The following LYPLAL1 variants were observed in gnomAD, a reference collection of about 807,000 sequenced individuals.
LYPLAL1 encodes lysophospholipase-like protein 1.
In LYPLAL1, 23 loss-of-function variants were observed where a neutral mutation model predicts 19.7. That is an observed-to-expected ratio of 1.17 (90% CI 0.84 to 1.65). The LOEUF (loss-of-function observed/expected upper bound fraction) is 1.65, where lower values mean the gene tolerates loss of function less well. Ranked by LOEUF, LYPLAL1 falls within the 40% of genes most tolerant of loss-of-function variation. The pLI, the probability that LYPLAL1 is intolerant of heterozygous loss-of-function variation, is 0.00. For missense variants in LYPLAL1, 355 were observed against 279.4 expected, an observed-to-expected ratio of 1.27 and a Z score of -1.93; for synonymous variants, 119 against 96.3, an observed-to-expected ratio of 1.24 and a Z score of -1.38.
At chr1:219,174,507 T>C (rs1655646766) in intron 1 of LYPLAL1, among the ~76,000 whole-genome samples, 1 of 152,202 alleles carries the variant, frequency 6.6e-6, no homozygotes, top group African/African-American at 2.4e-5. Context: ...TCTCTCACTT[T>C]CCTTTTTGCT....
At chr1:219,380,440 C>A in the LYPLAL1 span, among the ~76,000 whole-genome samples, 1 of 152,210 alleles carries the variant, frequency 6.6e-6, no homozygotes, top group Non-Finnish European at 1.5e-5. Flanking sequence ...GGAGGGAGGG[C>A]TGTGTTGGCA....
At chr1:219,298,310 A>AAAAAT in the LYPLAL1 span, among the ~76,000 whole-genome samples, 5 of 152,268 alleles carry the variant, frequency 3.3e-5, no homozygotes, top group East Asian at 1.9e-4. Context: ...ACCCTGTCTC[A>AAAAAT]AAAATAAAAT....
intron 2 of LYPLAL1, among the ~76,000 whole-genome samples, chr1:219,191,869 GT>G (rs1657211350): frequency 6.6e-6 from 1 of 151,330 alleles, no homozygotes; most frequent in South Asian, 2.1e-4. Context: ...ACAAAGTAAT[GT>G]TTATATGATT....
the LYPLAL1 span, among the ~76,000 whole-genome samples, chr1:219,366,333 C>T: frequency 6.6e-6 from 1 of 152,062 alleles, no homozygotes; most frequent in African/African-American, 2.4e-5. Context: ...GTTACAGAAA[C>T]AAGGATAATT....
At chr1:219,198,141 C>CAA (rs1657762787) in intron 3 of LYPLAL1, among the ~76,000 whole-genome samples, 1 of 151,998 alleles carries the variant, frequency 6.6e-6, no homozygotes, top group Non-Finnish European at 1.5e-5. Flanking sequence ...CAAAGTCCGA[C>CAA]AATGTGATTG....
At chr1:219,402,200 A>C in the LYPLAL1 span, among the ~76,000 whole-genome samples, 2 of 152,192 alleles carry the variant, frequency 1.3e-5, no homozygotes, top group Non-Finnish European at 2.9e-5. Context: ...TTTGGAAAAT[A>C]TGAAATGCCA....
At chr1:219,437,999 T>C in the LYPLAL1 span, among the ~76,000 whole-genome samples, 20 of 152,136 alleles carry the variant, frequency 1.3e-4, 1 homozygote, top group East Asian at 3.7e-3. Context: ...ACTCCTGACC[T>C]CAAGTGATCC....
At chr1:219,429,702 A>AT in the LYPLAL1 span, among the ~76,000 whole-genome samples, 1 of 151,912 alleles carries the variant, frequency 6.6e-6, no homozygotes, top group African/African-American at 2.4e-5. Context: ...TCCCAGGCCT[A>AT]TTTTCCCATT....
chr1:219,205,500 GTAGAGT>G (rs1658503225), intron 3 of LYPLAL1, among the ~76,000 whole-genome samples: 1 of 152,196 alleles, frequency 6.6e-6, no homozygotes, highest in Admixed American at 6.5e-5. Flanking sequence ...CATTGAACAT[GTAGAGT>G]TAGTTTAACT....
At chr1:219,383,681 A>G in the LYPLAL1 span, among the ~76,000 whole-genome samples, 7 of 152,370 alleles carry the variant, frequency 4.6e-5, no homozygotes, top group African/African-American at 1.4e-4. Context: ...ACAAAGAACT[A>G]TAAATGGCAT....
At chr1:219,330,460 A>G in the LYPLAL1 span, among the ~76,000 whole-genome samples, 2 of 152,200 alleles carry the variant, frequency 1.3e-5, no homozygotes, top group East Asian at 1.9e-4. Flanking sequence ...TTCTAGAGCA[A>G]AAGTTTAAAT....
the LYPLAL1 span, among the ~76,000 whole-genome samples, chr1:219,288,587 T>C: frequency 1.3e-5 from 2 of 152,174 alleles, no homozygotes; most frequent in Non-Finnish European, 2.9e-5. Flanking sequence ...ATACATATTA[T>C]TATACATTTA....
At chr1:219,356,353 A>G in the LYPLAL1 span, among the ~76,000 whole-genome samples, 3 of 152,090 alleles carry the variant, frequency 2.0e-5, no homozygotes, top group Non-Finnish European at 2.9e-5. Flanking sequence ...TACAAAAATT[A>G]GCTGGGCATG....
the LYPLAL1 span, among the ~76,000 whole-genome samples, chr1:219,284,743 G>A: frequency 2.0e-5 from 3 of 152,188 alleles, no homozygotes; most frequent in African/African-American, 4.8e-5. Context: ...ATATCAAAGA[G>A]ATGTTAAAGA....
the LYPLAL1 span, among the ~76,000 whole-genome samples, chr1:219,419,594 C>CACACAG: frequency 0.045 from 4,494 of 99,380 alleles, 173 homozygotes; most frequent in East Asian, 0.1. Flanking sequence ...CACACACACA[C>CACACAG]AGAGAGAGAG....
chr1:219,430,639 T>C, the LYPLAL1 span, among the ~76,000 whole-genome samples: 2 of 152,192 alleles, frequency 1.3e-5, no homozygotes, highest in Non-Finnish European at 2.9e-5. Context: ...ATTCCATGTC[T>C]CTGTAGTGAT....
At chr1:219,250,859 A>G in the LYPLAL1 span, among the ~76,000 whole-genome samples, 4 of 152,090 alleles carry the variant, frequency 2.6e-5, no homozygotes, top group African/African-American at 9.6e-5. Context: ...TTCTGCTTTT[A>G]GCTTTTTTGA....
At chr1:219,202,350 T>C (rs1156770044) in intron 3 of LYPLAL1, among the ~76,000 whole-genome samples, 1 of 152,232 alleles carries the variant, frequency 6.6e-6, no homozygotes, top group Non-Finnish European at 1.5e-5. Flanking sequence ...ACTGGAACAG[T>C]GGTACCACTT....
At chr1:219,421,976 A>G in the LYPLAL1 span, among the ~76,000 whole-genome samples, 1 of 152,118 alleles carries the variant, frequency 6.6e-6, no homozygotes, top group Non-Finnish European at 1.5e-5. Flanking sequence ...CCCTTTCAGG[A>G]TGACAGAGGA....
Sources: allele counts gnomAD v4.1 joint callset (sites outside exome capture counted in the v4.1 genomes callset), GRCh38; gene constraint gnomAD v4.1.1; transcripts MANE v1.5; gene names NCBI Gene and HGNC (gene_info 2026-07-23, HGNC 2026-07-21).